The following FMN1 variants were observed in gnomAD, a reference collection of about 807,000 sequenced individuals.
The protein encoded by FMN1 is formin-1.
FMN1 carries 110 observed loss-of-function variants against 132.4 expected under a neutral mutation model. The observed-to-expected ratio is 0.83, with a 90% CI of 0.71 to 0.97. FMN1 has a LOEUF of 0.97. Among genes scored for constraint, FMN1 ranks in the 50% least tolerant of loss-of-function variants. The probability of loss-of-function intolerance (pLI) is 0.00; values close to 1 mark genes in which losing one functional copy is unlikely to be tolerated. For missense variants in FMN1, 1,792 were observed against 1,705.3 expected (o/e 1.05, Z -0.90); for synonymous variants, 722 against 651.7 (o/e 1.11, Z -1.64).
chr15:33,111,576 A>C (rs1472029258), intron 4 of FMN1, among the ~76,000 whole-genome samples: 1 of 152,126 alleles, frequency 6.6e-6, no homozygotes, highest in African/African-American at 2.4e-5. Flanking sequence ...AAATAACTCA[A>C]ATGTTTGTCT....
rs578223756 is a variant in FMN1 at position 32,986,598 on chromosome 15, C to G, written c.2224-17121G>C. 4.6e-5 allele frequency among the ~76,000 whole-genome samples: 7 copies of G among 151,992 alleles called. No homozygotes were observed. The South Asian group carries it at 1.2e-3, about 27-fold the overall frequency. On this transcript the variant is annotated intron_variant, in intron 7 of 20. Transcript: ENST00000616417. ...AAATCTAGAGTGCTCAATGCCTTAA[C>G]CAGTTAAAATAATAAACGGAATTTG...
At chr15:33,061,869 T>C (rs2037499858) in intron 6 of FMN1, among the ~76,000 whole-genome samples, 1 of 152,110 alleles carries the variant, frequency 6.6e-6, no homozygotes, top group African/African-American at 2.4e-5. Context: ...AAATTAAATT[T>C]TTCATATGAA....
At chr15:32,833,537 GT>G (rs201294369) in intron 17 of FMN1, among the ~76,000 whole-genome samples, 3,656 of 152,274 alleles carry the variant, frequency 0.024, 43 homozygotes, top group African/African-American at 0.043. Flanking sequence ...CCCAGGGTGA[GT>G]GAGTCAGTCA....
At chr15:33,190,707 T>C (rs951426094) in intron 2 of FMN1, among the ~76,000 whole-genome samples, 1 of 152,180 alleles carries the variant, frequency 6.6e-6, no homozygotes, top group African/African-American at 2.4e-5. Flanking sequence ...AGAGCACTCA[T>C]ACTGGAAGGC....
At chr15:33,135,257 A>G (rs2140236962) in intron 4 of FMN1, among the ~76,000 whole-genome samples, 1 of 152,258 alleles carries the variant, frequency 6.6e-6, no homozygotes, top group South Asian at 2.1e-4. Flanking sequence ...TACATAAATT[A>G]TTTTTTCAAA....
At chr15:32,936,914 G>T (rs1455243529) in intron 9 of FMN1, among the ~76,000 whole-genome samples, 1 of 152,174 alleles carries the variant, frequency 6.6e-6, no homozygotes, top group African/African-American at 2.4e-5. Flanking sequence ...CTACTGTACT[G>T]CAGGCCACCT....
At chr15:33,113,924 A>G (rs1317557857) in intron 4 of FMN1, among the ~76,000 whole-genome samples, 3 of 152,164 alleles carry the variant, frequency 2.0e-5, no homozygotes, top group East Asian at 3.8e-4. Context: ...GTTTTCACCC[A>G]CAAGTGTGGG....
At chr15:32,829,262 T>G (rs143589166) in intron 17 of FMN1, among the ~76,000 whole-genome samples, 263 of 152,334 alleles carry the variant, frequency 1.7e-3, no homozygotes, top group African/African-American at 6.0e-3. Context: ...CAACAGTTTA[T>G]GAGACCAAGC....
At chr15:33,174,989 T>C (rs1056801746) in intron 3 of FMN1, among the ~76,000 whole-genome samples, 1 of 152,176 alleles carries the variant, frequency 6.6e-6, no homozygotes, top group Non-Finnish European at 1.5e-5. Context: ...TTATCACATC[T>C]GCTTTAAATA....
chr15:32,857,419 A>G (rs1244887313), intron 16 of FMN1, among the ~76,000 whole-genome samples: 2 of 152,104 alleles, frequency 1.3e-5, no homozygotes, highest in Non-Finnish European at 2.9e-5. Flanking sequence ...TGTTCTCCCA[A>G]AGATAAAGAG....
intron 10 of FMN1, among the ~76,000 whole-genome samples, chr15:32,913,220 C>G (rs966954237): frequency 2.0e-5 from 3 of 152,098 alleles, no homozygotes; most frequent in Non-Finnish European, 4.4e-5. Flanking sequence ...AATAATGGAT[C>G]AAGTGTCTTA....
chr15:33,053,917 T>C (rs1486942999), intron 6 of FMN1, among the ~76,000 whole-genome samples: 1 of 152,188 alleles, frequency 6.6e-6, no homozygotes, highest in African/African-American at 2.4e-5. Context: ...TTTTCTTTCT[T>C]TCGGAGTTTT....
intron 17 of FMN1, among the ~76,000 whole-genome samples, chr15:32,831,427 A>C (rs1195933206): frequency 6.6e-6 from 1 of 152,082 alleles, no homozygotes; most frequent in African/African-American, 2.4e-5. Context: ...AGTTTTTATA[A>C]AACAGGTGGG....
intron 7 of FMN1, among the ~76,000 whole-genome samples, chr15:32,991,795 C>G (rs1325761283): frequency 6.6e-6 from 1 of 152,148 alleles, no homozygotes; most frequent in Non-Finnish European, 1.5e-5. Context: ...AATGTGGAGG[C>G]AGTGGCCCTT....
At chr15:33,119,687 C>CAA (rs1298079843) in intron 4 of FMN1, among the ~76,000 whole-genome samples, 1 of 152,162 alleles carries the variant, frequency 6.6e-6, no homozygotes, top group Non-Finnish European at 1.5e-5. Context: ...ACAAAACTTC[C>CAA]AAAAATTTTT....
intron 9 of FMN1, among the ~76,000 whole-genome samples, chr15:32,961,085 T>A (rs2030477926): frequency 6.7e-6 from 1 of 150,174 alleles, no homozygotes; most frequent in Non-Finnish European, 1.5e-5. Flanking sequence ...CCTGCTTAGA[T>A]GTGAATTTCA....
chr15:32,801,749 T>G (rs77155835), intron 18 of FMN1, among the ~76,000 whole-genome samples: 21,447 of 152,278 alleles, frequency 0.14, 1,922 homozygotes, highest in East Asian at 0.26. Flanking sequence ...GAGCCCAGAC[T>G]GCGCCACTGC....
intron 7 of FMN1, among the ~76,000 whole-genome samples, chr15:32,985,557 T>C (rs949114260): frequency 6.6e-6 from 1 of 152,142 alleles, no homozygotes; most frequent in African/African-American, 2.4e-5. Context: ...GAAGGAACTG[T>C]AATATTAAGT....
intron 8 of FMN1, among the ~76,000 whole-genome samples, chr15:32,967,385 G>GT (rs1358573854): frequency 2.0e-5 from 3 of 152,330 alleles, no homozygotes; most frequent in Non-Finnish European, 2.9e-5. Flanking sequence ...GGACACACTC[G>GT]TCCAGGGCTT....
Sources: gnomAD v4.1 joint callset for allele counts (sites outside exome capture counted in the v4.1 genomes callset) on GRCh38, gnomAD v4.1.1 for gene constraint, MANE v1.5 for transcripts, NCBI Gene and HGNC (gene_info 2026-07-23, HGNC 2026-07-21) for gene names.